Variants in FCAR observed in about 807,000 individuals in gnomAD.
FCAR encodes the protein immunoglobulin alpha Fc receptor.
FCAR carries 21 observed loss-of-function variants against 27.1 expected under a neutral mutation model. The observed-to-expected ratio is 0.77, with a 90% CI of 0.55 to 1.11. FCAR has a LOEUF of 1.11. Ranked by LOEUF, FCAR falls within the 50% of genes most tolerant of loss-of-function variation. FCAR has a pLI of 0.00. For missense variants in FCAR, 404 were observed against 358.4 expected (o/e 1.13, Z -1.03); for synonymous variants, 134 against 135.8 (o/e 0.99, Z 0.09).
chr19:54,882,336 T>C (rs2145880871), intron 2 of FCAR, among the ~76,000 whole-genome samples: 1 of 152,108 alleles, frequency 6.6e-6, no homozygotes, highest in East Asian at 1.9e-4. Context: ...GATTCTGAAT[T>C]CTATAACCCT....
At chr19:54,883,829 C>T (rs948327485) in intron 2 of FCAR, among the ~76,000 whole-genome samples, 18 of 152,110 alleles carry the variant, frequency 1.2e-4, no homozygotes, top group South Asian at 4.2e-4. Context: ...TGGTGGCGGG[C>T]GCCTGTAGTC....
chr19:54,888,407 C>T (rs1300625881), intron 4 of FCAR, 113 bp downstream of exon 4: 2 of 1,483,466 alleles, frequency 1.3e-6, no homozygotes, highest in Non-Finnish European at 1.8e-6. Flanking sequence ...CAAAGGCTCT[C>T]ACTCCAGGAC....
At position 54,888,126 on chromosome 19, in the gene FCAR, G is replaced by A; in HGVS notation, c.481G>A (p.Glu161Lys). ...ATTTGATAGATTTTCACTGGCCAAGGAGGGAGAACTTTCTCTGCCACAGCA... is the reference window on the plus strand; with the variant it reads ...ATTTGATAGATTTTCACTGGCCAAGAAGGGAGAACTTTCTCTGCCACAGCA... ...IPFDRFSLAK[E>K]GELSLPQHQS... Residue 161 changes from glutamate to lysine, a missense_variant, in exon 4 of 5, where the codon GAG becomes AAG. Glu to Lys is a moderately conservative substitution (Grantham distance 56). Transcript: ENST00000355524. 6.2e-7 allele frequency: 1 copy of A among 1,614,112 alleles called. No individual in the cohort carries two copies. The highest frequency in any genetic ancestry group is 8.5e-7 in the Non-Finnish European group (1 of 1,179,994).
At chr19:54,881,797 T>C (rs75358524) in intron 2 of FCAR, among the ~76,000 whole-genome samples, 121,713 of 151,956 alleles carry the variant, frequency 0.8, 49,532 homozygotes, top group African/African-American at 0.92. Context: ...AGGAGAATGG[T>C]GTGAACCCGG....
chr19:54,877,478 A>G (rs1303491706), intron 2 of FCAR, among the ~76,000 whole-genome samples: 1 of 151,970 alleles, frequency 6.6e-6, no homozygotes, highest in African/African-American at 2.4e-5. Context: ...TATCCGGATC[A>G]TCTCTCTTTT....
At chr19:54,885,173 A>G in intron 2 of FCAR, 62 bp from the exon 3 acceptor site, 1 of 1,414,150 alleles carries the variant, frequency 7.1e-7, no homozygotes, top group South Asian at 1.2e-5. Flanking sequence ...TCTCCCACAG[A>G]GAAGGAAAGG....
intron 2 of FCAR, among the ~76,000 whole-genome samples, chr19:54,878,824 T>C (rs144262957): frequency 1.3e-5 from 2 of 150,608 alleles, no homozygotes; most frequent in Non-Finnish European, 3.0e-5. Context: ...CCTATGGATG[T>C]CATTGCATAT....
Position 54,889,869 on chromosome 19 carries a change from T to A in FCAR, c.*6T>A. 1.3e-6 allele frequency: 2 copies of A among 1,594,618 alleles called. No individual in the cohort carries two copies. Among genetic ancestry groups the A allele is most frequent in the Non-Finnish European group, 1.7e-6 (2 of 1,174,492 alleles). On this transcript the variant is annotated 3_prime_UTR_variant, in exon 5 of 5. Coordinates refer to ENST00000355524, the MANE Select transcript of FCAR (RefSeq NM_002000.4). ...CACCAAGTGTCTGCAAGTAAACACCTGGAGGTGAAGGCAGAGAGGAGCCAG... is the reference window on the plus strand; with the variant it reads ...CACCAAGTGTCTGCAAGTAAACACCAGGAGGTGAAGGCAGAGAGGAGCCAG...
intron 4 of FCAR, 89 bp downstream of exon 4, chr19:54,888,383 G>A: frequency 2.0e-6 from 3 of 1,537,856 alleles, no homozygotes; most frequent in Non-Finnish European, 2.6e-6. Context: ...CACTGAGAGT[G>A]AAGTGAAGAG....
chr19:54,882,144 G>T (rs957393828), intron 2 of FCAR, among the ~76,000 whole-genome samples: 3 of 152,158 alleles, frequency 2.0e-5, no homozygotes, highest in Non-Finnish European at 4.4e-5. Flanking sequence ...TAAAGTGGGG[G>T]TGGGAGCTCA....
intron 2 of FCAR, among the ~76,000 whole-genome samples, chr19:54,880,673 A>G (rs1013521677): frequency 6.6e-6 from 1 of 152,150 alleles, no homozygotes; most frequent in Non-Finnish European, 1.5e-5. Context: ...ATGTGGGCTA[A>G]TGTTCCTTTG....
intron 2 of FCAR, among the ~76,000 whole-genome samples, chr19:54,879,405 C>T (rs1454779580): frequency 3.3e-5 from 5 of 152,110 alleles, no homozygotes; most frequent in Non-Finnish European, 5.9e-5. Context: ...CCATATTTAG[C>T]GTTCCTCTTA....
In FCAR at chr19:54,885,263, C is replaced by G; in HGVS notation, c.99C>G (p.Ala33=). The G allele has an allele frequency of 6.2e-7, 1 of 1,613,668 alleles. No homozygotes were observed. The highest frequency in any genetic ancestry group is 8.5e-7 in the Non-Finnish European group (1 of 1,179,746). ...EGDFPMPFIS[A]KSSPVIPLDG... ...ACTTTCCCATGCCTTTCATATCTGC[C>G]AAATCGAGTCCTGTGATTCCCTTGG... The change falls in exon 3 of 5, where the codon GCC becomes GCG. Residue 33 remains alanine (A), a synonymous_variant. Transcript: ENST00000355524.
At chr19:54,886,244 T>C (rs1359622676) in intron 3 of FCAR, among the ~76,000 whole-genome samples, 8 of 120,256 alleles carry the variant, frequency 6.7e-5, no homozygotes, top group Non-Finnish European at 1.5e-4. Context: ...CGAGACTCCA[T>C]CTCACACACA....
At chr19:54,882,363 A>G (rs1312610072) in intron 2 of FCAR, among the ~76,000 whole-genome samples, 2 of 151,888 alleles carry the variant, frequency 1.3e-5, no homozygotes, top group African/African-American at 4.8e-5. Flanking sequence ...ATTCATCTCA[A>G]TGTAGCTAAG....
Position 54,890,073 on chromosome 19 carries a change from C to A in FCAR, c.*210C>A. On this transcript the variant is annotated 3_prime_UTR_variant, in exon 5 of 5. Coordinates refer to ENST00000355524, the MANE Select transcript of FCAR (RefSeq NM_002000.4). Reference sequence around the variant, plus strand: ...GGTTCAAGTGATTCTTGTGCCTCAGCCTCCCAAGTAGCTGGAATTACAGGC... The same window carrying A: ...GGTTCAAGTGATTCTTGTGCCTCAGACTCCCAAGTAGCTGGAATTACAGGC... 2 of 586,168 alleles carry A rather than the reference C, an allele frequency of 3.4e-6. No individual in the cohort carries two copies. The highest frequency in any genetic ancestry group is 6.1e-6 in the Non-Finnish European group (2 of 329,330). The allele number at this position is 586,168 out of a possible 1,614,324, so 36.3% of individuals were successfully genotyped here. A position where few individuals can be genotyped will look rare whatever the true frequency, so the allele number is the denominator to read the frequency against.
rs762426689 is a variant in FCAR at position 54,889,795 on chromosome 19, C to T, written c.796C>T (p.Pro266Ser). 6.8e-6 allele frequency: 11 copies of T among 1,612,982 alleles called. No homozygotes were observed. The South Asian group carries it at 1.2e-4, about 18-fold the overall frequency. ...GGAAGCCTCGGCAGATGTGGCTGAA[C>T]CGAGCTGGAGCCAACAGATGTGTCA... ...NKEASADVAEPSWSQQMCQPG... is the reference protein window; with the variant it reads ...NKEASADVAESSWSQQMCQPG... The change falls in exon 5 of 5, where the codon CCG becomes TCG. Residue 266 changes from proline (P) to serine (S), a missense_variant. Transcript: ENST00000355524.
Position 54,891,209 on chromosome 19 carries a change from T to C in FCAR, c.*1346T>C, listed in dbSNP as rs931841618. 2.6e-5 allele frequency: 4 copies of C among 152,190 alleles called. No individual in the cohort carries two copies. Among genetic ancestry groups the C allele is most frequent in the African/African-American group, 7.2e-5 (3 of 41,444 alleles). The allele number at this position is 152,190 out of a possible 1,614,324, so 9.4% of individuals were successfully genotyped here. A position where few individuals can be genotyped will look rare whatever the true frequency, so the allele number is the denominator to read the frequency against. On this transcript the variant is annotated 3_prime_UTR_variant, in exon 5 of 5. Coordinates refer to ENST00000355524, the MANE Select transcript of FCAR (RefSeq NM_002000.4). ...CTCAAGGAAATCTAAGTTGGTCATA[T>C]GTGGCTCTTTCACTGATTGCTATTT...
intron 3 of FCAR, among the ~76,000 whole-genome samples, chr19:54,887,778 G>A (rs587595059): frequency 7.9e-5 from 12 of 151,816 alleles, no homozygotes; most frequent in South Asian, 4.2e-4. Flanking sequence ...TTAGCTGGGC[G>A]TGGTGGTACG....
Sources: gnomAD v4.1 joint callset for allele counts (sites outside exome capture counted in the v4.1 genomes callset) on GRCh38, gnomAD v4.1.1 for gene constraint, MANE v1.5 for transcripts, NCBI Gene and HGNC (gene_info 2026-07-23, HGNC 2026-07-21) for gene names.